The following ACTR3B variants were observed in gnomAD, a reference collection of about 807,000 sequenced individuals.
ACTR3B encodes actin-related protein 3B.
A neutral mutation model predicts 59.0 loss-of-function variants in ACTR3B; 8 were observed. The observed-to-expected ratio is 0.14, with a 90% CI of 0.08 to 0.24. The LOEUF is 0.24. Among genes scored for constraint, ACTR3B ranks in the 10% least tolerant of loss-of-function variants. The probability of loss-of-function intolerance (pLI) is 1.00; values close to 1 mark genes in which losing one functional copy is unlikely to be tolerated. For synonymous variants in ACTR3B, 148 were observed against 197.9 expected (o/e 0.75, Z 2.12); for missense variants, 245 against 552.3 (o/e 0.44, Z 5.58).
chr7:152,847,097 G>A (rs1798404150), intron 9 of ACTR3B, among the ~76,000 whole-genome samples: 1 of 147,002 alleles, frequency 6.8e-6, no homozygotes, highest in African/African-American at 2.5e-5. Context: ...GTAGTCTGCA[G>A]TGAGCCCCAG....
At chr7:152,834,968 G>C (rs189897576) in intron 9 of ACTR3B, among the ~76,000 whole-genome samples, 47 of 152,156 alleles carry the variant, frequency 3.1e-4, no homozygotes, top group African/African-American at 1.1e-3. Context: ...GAAGACTGCT[G>C]ACCGCCAGAA....
chr7:152,779,600 A>G (rs2098145523), intron 1 of ACTR3B, among the ~76,000 whole-genome samples: 1 of 152,156 alleles, frequency 6.6e-6, no homozygotes, highest in Non-Finnish European at 1.5e-5. Context: ...CACTTGCCAT[A>G]TTTAAGAATT....
chr7:152,830,865 T>A (rs1403108064), intron 9 of ACTR3B, among the ~76,000 whole-genome samples: 13 of 152,238 alleles, frequency 8.5e-5, no homozygotes, highest in Admixed American at 8.5e-4. Flanking sequence ...TAATTTTTAA[T>A]GTTTAAGAGT....
At chr7:152,805,014 T>C (rs2098248142) in intron 4 of ACTR3B, among the ~76,000 whole-genome samples, 1 of 147,742 alleles carries the variant, frequency 6.8e-6, no homozygotes, top group African/African-American at 2.6e-5. Context: ...CTCATGGAGT[T>C]ATTTCGCCTG....
chr7:152,829,017 A>G (rs1796805111), intron 9 of ACTR3B, among the ~76,000 whole-genome samples: 1 of 151,686 alleles, frequency 6.6e-6, no homozygotes. Flanking sequence ...TTTGAGGTAT[A>G]TTGACAAGTA....
At chr7:152,790,323 C>A (rs116785812) in intron 2 of ACTR3B, among the ~76,000 whole-genome samples, 1 of 152,026 alleles carries the variant, frequency 6.6e-6, no homozygotes, top group African/African-American at 2.4e-5. Flanking sequence ...AATACATTTT[C>A]GAATATTGAA....
chr7:152,850,085 C>T (rs1300573181), intron 9 of ACTR3B, among the ~76,000 whole-genome samples: 10 of 150,896 alleles, frequency 6.6e-5, no homozygotes, highest in South Asian at 6.3e-4. Flanking sequence ...GGTGGCTTCT[C>T]CAGGTAGAAG....
chr7:152,794,907 A>G (rs1406565917), intron 2 of ACTR3B, among the ~76,000 whole-genome samples: 2 of 152,154 alleles, frequency 1.3e-5, no homozygotes, highest in South Asian at 2.1e-4. Context: ...GAGACTTTAA[A>G]TGTGGCAGTG....
chr7:152,797,573 A>G (rs187059493), intron 2 of ACTR3B, among the ~76,000 whole-genome samples: 2 of 152,304 alleles, frequency 1.3e-5, no homozygotes, highest in East Asian at 1.9e-4. Context: ...TAAGAATGCA[A>G]TATATCGTCA....
chr7:152,770,535 A>G (rs2116526728), intron 1 of ACTR3B, among the ~76,000 whole-genome samples: 1 of 151,990 alleles, frequency 6.6e-6, no homozygotes. Flanking sequence ...ATCTGTGAGG[A>G]TGACCAGCTT....
rs1797956185 is a variant in ACTR3B, at chr7:152,842,614, G to A, written c.952-9512G>A. ...CACTCGGTGCTTTTGAGGTGTGCAT[G>A]TCATTTGACCCTTCTTTCTGCTGGG... On this transcript the variant is annotated intron_variant, in intron 9 of 11. Transcript: ENST00000256001. 2.0e-5 allele frequency among the ~76,000 whole-genome samples: 3 copies of A among 152,208 alleles called. No individual in the cohort carries two copies. In the South Asian group the frequency reaches 6.2e-4, roughly 31 times the overall value.
rs1231354943 is a variant in ACTR3B, at chr7:152,824,678, T to C, written c.859-352T>C. On this transcript the variant is annotated intron_variant, in intron 8 of 11. Transcript: ENST00000256001. This position sits in a 1 kb window ranked among gnomAD's most constrained non-coding sequence, Gnocchi z 4.2. Reference sequence around the variant, plus strand: ...ATAATACGAATATTGTCAAATGATATGTCAAAGTCATGTTTCTCACTGCGT... The same window carrying C: ...ATAATACGAATATTGTCAAATGATACGTCAAAGTCATGTTTCTCACTGCGT... Among the ~76,000 whole-genome samples the C allele has an allele frequency of 6.6e-6, 1 of 152,236 alleles. No homozygotes were observed.
At chr7:152,771,107 G>A (rs1590202822) in intron 1 of ACTR3B, among the ~76,000 whole-genome samples, 1 of 151,222 alleles carries the variant, frequency 6.6e-6, no homozygotes, top group East Asian at 1.9e-4. Context: ...AGGATTACAG[G>A]TGCCTGCTAC....
chr7:152,854,788 T>C lies in ACTR3B; in HGVS notation c.*235T>C, dbSNP rs1799134338. On this transcript the variant is annotated 3_prime_UTR_variant, in exon 12 of 12. Coordinates refer to ENST00000256001, the MANE Select transcript of ACTR3B (RefSeq NM_020445.6). This position sits in a 1 kb window ranked among gnomAD's most constrained non-coding sequence, Gnocchi z 4.9. ...CCGCCCTCCTCACCCTCGCTCTCCC[T>C]CCTCCTCCTCCTCCGAGCTGCTAGC... The C allele has an allele frequency of 1.6e-5, 6 of 368,216 alleles. No individual in the cohort carries two copies. Among genetic ancestry groups the C allele is most frequent in the East Asian group, 4.7e-5 (1 of 21,306 alleles). The allele number at this position is 368,216 out of a possible 1,614,324, so 22.8% of individuals were successfully genotyped here.
At chr7:152,840,840 C>T (rs1472966038) in intron 9 of ACTR3B, among the ~76,000 whole-genome samples, 1 of 12,594 alleles carries the variant, frequency 7.9e-5, no homozygotes, top group African/African-American at 2.9e-4. Context: ...TAGGGCCGGG[C>T]GGTTCAGGGG....
intron 9 of ACTR3B, among the ~76,000 whole-genome samples, chr7:152,836,258 A>C (rs2116933584): frequency 6.6e-6 from 1 of 152,312 alleles, no homozygotes; most frequent in Admixed American, 6.5e-5. Flanking sequence ...ATATTTGTTA[A>C]ACTGCGAAAG....
intron 9 of ACTR3B, among the ~76,000 whole-genome samples, chr7:152,828,776 G>A (rs967395504): frequency 1.3e-5 from 2 of 151,786 alleles, no homozygotes; most frequent in African/African-American, 4.8e-5. Context: ...TCCTGACCTC[G>A]GCTACCTGTG....
chr7:152,770,660 A>G (rs1003945651), intron 1 of ACTR3B, among the ~76,000 whole-genome samples: 21 of 151,848 alleles, frequency 1.4e-4, no homozygotes, highest in African/African-American at 4.4e-4. Flanking sequence ...ATTTAGTAGA[A>G]TTAGTGGGAA....
At position 152,759,813 on chromosome 7, in the gene ACTR3B, GGGCGGCGGAGCGGAC is replaced by G; in HGVS notation, c.-65_-51del. On this transcript the variant is annotated 5_prime_UTR_variant, in exon 1 of 12. Coordinates refer to ENST00000256001, the MANE Select transcript of ACTR3B (RefSeq NM_020445.6). ...GGGAGACGCTGCGCGCGGGGCTAGC[GGGCGGCGGAGCGGAC>G]GGCGACGGGGCGCTCTCGGGCTGCC... 2 of 1,140,198 alleles carry G rather than the reference GGGCGGCGGAGCGGAC, an allele frequency of 1.8e-6. No homozygotes were observed. The highest frequency in any genetic ancestry group is 8.0e-5 in the South Asian group (2 of 24,892). The allele number at this position is 1,140,198 out of a possible 1,614,324, so 70.6% of individuals were successfully genotyped here.
Sources: gnomAD v4.1 joint callset for allele counts (sites outside exome capture counted in the v4.1 genomes callset) on GRCh38, gnomAD v4.1.1 for gene constraint, Gnocchi (gnomAD v3.1) non-coding constraint, MANE v1.5 for transcripts, NCBI Gene and HGNC (gene_info 2026-07-23, HGNC 2026-07-21) for gene names.